Variants in CFAP77 observed in about 807,000 individuals in gnomAD.
CFAP77 encodes cilia and flagella associated protein 77, also known as cilia- and flagella-associated protein 77.
In CFAP77, 25 loss-of-function variants were observed where a neutral mutation model predicts 31.1. That is an observed-to-expected ratio of 0.80 (90% CI 0.59 to 1.12). CFAP77 has a LOEUF of 1.12. CFAP77 is among the 50% of genes most tolerant of loss of function. CFAP77 has a pLI of 0.00. For synonymous variants in CFAP77, 151 were observed against 159.9 expected, an observed-to-expected ratio of 0.94 and a Z score of 0.42; for missense variants, 377 against 397.3, an observed-to-expected ratio of 0.95 and a Z score of 0.44.
intron 4 of CFAP77, among the ~76,000 whole-genome samples, chr9:132,542,729 C>T (rs1852666723): frequency 1.4e-5 from 2 of 141,914 alleles, no homozygotes; most frequent in Admixed American, 6.9e-5. Context: ...CCTGGGGTCC[C>T]ACCCCCCCTC....
At chr9:132,524,791 G>A (rs1029851258) in intron 3 of CFAP77, among the ~76,000 whole-genome samples, 2 of 150,440 alleles carry the variant, frequency 1.3e-5, no homozygotes, top group Non-Finnish European at 3.0e-5. Context: ...TGGGACTACA[G>A]GCGCCCGCCA....
intron 5 of CFAP77, among the ~76,000 whole-genome samples, chr9:132,559,144 A>G (rs1203729210): frequency 6.6e-6 from 1 of 152,042 alleles, no homozygotes; most frequent in Non-Finnish European, 1.5e-5. Flanking sequence ...GGTGATCGAG[A>G]CCATCCTGGC....
intron 1 of CFAP77, among the ~76,000 whole-genome samples, chr9:132,446,085 A>T: frequency 6.6e-6 from 1 of 151,896 alleles, no homozygotes; most frequent in Non-Finnish European, 1.5e-5. Flanking sequence ...TGCTCATTCT[A>T]ATGTAATTGT....
chr9:132,448,581 G>GTTTT (rs557833254), intron 1 of CFAP77, among the ~76,000 whole-genome samples: 22 of 151,994 alleles, frequency 1.4e-4, no homozygotes, highest in Non-Finnish European at 2.2e-4. Context: ...TTGTTTGTTT[G>GTTTT]TTTGTTTTTG....
At chr9:132,549,180 T>G (rs1178079960) in intron 5 of CFAP77, among the ~76,000 whole-genome samples, 1 of 152,198 alleles carries the variant, frequency 6.6e-6, no homozygotes, top group Non-Finnish European at 1.5e-5. Flanking sequence ...GCTTCTAGCC[T>G]GTCCACCCTG....
At chr9:132,467,505 A>G (rs1471985345) in intron 1 of CFAP77, among the ~76,000 whole-genome samples, 2 of 152,228 alleles carry the variant, frequency 1.3e-5, no homozygotes, top group African/African-American at 4.8e-5. Context: ...GTCCATCCAC[A>G]TTGTAGCATG....
At chr9:132,524,367 A>G (rs1484026860) in intron 3 of CFAP77, among the ~76,000 whole-genome samples, 1 of 151,780 alleles carries the variant, frequency 6.6e-6, no homozygotes, top group East Asian at 2.0e-4. Flanking sequence ...TTGGGAGGCC[A>G]AGGCGGGCGG....
At chr9:132,439,135 C>T (rs1850570377) in intron 1 of CFAP77, among the ~76,000 whole-genome samples, 1 of 152,116 alleles carries the variant, frequency 6.6e-6, no homozygotes, top group Non-Finnish European at 1.5e-5. Flanking sequence ...CTCGGCCTCC[C>T]AAAGTGCTGG....
At chr9:132,418,549 C>T (rs969819664) in intron 1 of CFAP77, among the ~76,000 whole-genome samples, 4 of 152,224 alleles carry the variant, frequency 2.6e-5, no homozygotes, top group African/African-American at 9.6e-5. Context: ...TCCTCTCATA[C>T]ACTTTATGGC....
chr9:132,548,302 C>T (rs1852767050), intron 5 of CFAP77, among the ~76,000 whole-genome samples: 1 of 151,924 alleles, frequency 6.6e-6, no homozygotes. Flanking sequence ...AGCTGATTTT[C>T]CTTTCTCTGA....
At chr9:132,482,248 G>A (rs1336189995) in intron 1 of CFAP77, 3 of 1,087,514 alleles carry the variant, frequency 2.8e-6, no homozygotes, top group Non-Finnish European at 4.2e-6. Flanking sequence ...GGGTCTGCTG[G>A]CTGTGACCCT....
At chr9:132,466,039 T>C (rs868626470) in intron 1 of CFAP77, among the ~76,000 whole-genome samples, 8 of 152,200 alleles carry the variant, frequency 5.3e-5, no homozygotes, top group Admixed American at 2.0e-4. Flanking sequence ...GCTTAAGCTA[T>C]GTCACAGAGG....
At position 132,497,840 on chromosome 9, in the gene CFAP77, G is replaced by A. The variant is rs927140460; in HGVS notation, c.196-855G>A. Among the ~76,000 whole-genome samples, 16 of 152,248 alleles carry A rather than the reference G, an allele frequency of 1.1e-4. No individual in the cohort carries two copies. The highest frequency in any genetic ancestry group is 3.6e-4 in the African/African-American group (15 of 41,548). On this transcript the variant is annotated intron_variant, in intron 1 of 5. Coordinates refer to ENST00000393216, the MANE Select transcript of CFAP77 (RefSeq NM_001282957.2). The surrounding 1 kb of genome is among the most constrained non-coding windows in gnomAD (Gnocchi z 4.9). ...TGATGCAGCGGGTGCGATGGGGTTC[G>A]AAGCACTGTGCAGGACAGGGTCTCT...
chr9:132,429,594 C>G lies in CFAP77; in HGVS notation c.195+19128C>G, dbSNP rs1378166437. On this transcript the variant is annotated intron_variant, in intron 1 of 5. Coordinates refer to ENST00000393216, the MANE Select transcript of CFAP77 (RefSeq NM_001282957.2). ...GCCCAGTGGCTCATGCCTGTAATCC[C>G]AGCACTTTGGGAGGCCAAGGCGGGT... Among the ~76,000 whole-genome samples, 3 of 149,452 alleles carry G rather than the reference C, an allele frequency of 2.0e-5. No homozygotes were observed. The East Asian group carries it at 5.9e-4, about 29-fold the overall frequency.
At chr9:132,448,135 A>C (rs1390943945) in intron 1 of CFAP77, among the ~76,000 whole-genome samples, 1 of 151,960 alleles carries the variant, frequency 6.6e-6, no homozygotes, top group Non-Finnish European at 1.5e-5. Flanking sequence ...GAGAGGGAAG[A>C]AGCTCAGGTT....
chr9:132,414,652 A>G (rs1268640905), intron 1 of CFAP77, among the ~76,000 whole-genome samples: 1 of 152,192 alleles, frequency 6.6e-6, no homozygotes, highest in African/African-American at 2.4e-5. Flanking sequence ...AGTTCTGGGC[A>G]GGTCTCAGGG....
chr9:132,538,770 T>C (rs1449281061), intron 4 of CFAP77, among the ~76,000 whole-genome samples: 3 of 151,604 alleles, frequency 2.0e-5, no homozygotes, highest in Non-Finnish European at 4.4e-5. Context: ...AGAGTGAGAC[T>C]CTCTCAAAAG....
chr9:132,569,207 C>T (rs1267353572), intron 5 of CFAP77, among the ~76,000 whole-genome samples: 3 of 152,078 alleles, frequency 2.0e-5, no homozygotes, highest in Non-Finnish European at 2.9e-5. Context: ...GGTTCCAGAC[C>T]ACCCTCAACA....
chr9:132,473,533 T>C, intron 1 of CFAP77, among the ~76,000 whole-genome samples: 1 of 152,162 alleles, frequency 6.6e-6, no homozygotes, highest in Non-Finnish European at 1.5e-5. Flanking sequence ...GACTGTATAC[T>C]CATCAGGATA....
Sources: gnomAD v4.1 joint callset for allele counts (sites outside exome capture counted in the v4.1 genomes callset) on GRCh38, gnomAD v4.1.1 for gene constraint, Gnocchi (gnomAD v3.1) non-coding constraint, MANE v1.5 for transcripts, NCBI Gene and HGNC (gene_info 2026-07-23, HGNC 2026-07-21) for gene names.